NFATC3: variants seen among roughly 807,000 people sequenced by gnomAD.
NFATC3 encodes the protein nuclear factor of activated T cells 3.
NFATC3 carries 46 observed loss-of-function variants against 98.6 expected under a neutral mutation model. The observed-to-expected ratio is 0.47, with a 90% CI of 0.37 to 0.60. The LOEUF (loss-of-function observed/expected upper bound fraction) is 0.60, where lower values mean the gene tolerates loss of function less well. NFATC3 is among the 20% of genes least tolerant of loss of function. The pLI is 0.00. For synonymous variants in NFATC3, 512 were observed against 472.2 expected (o/e 1.08, Z -1.09); for missense variants, 1,256 against 1,295.5 (o/e 0.97, Z 0.47).
intron 2 of NFATC3, among the ~76,000 whole-genome samples, chr16:68,123,948 C>T (rs921802507): frequency 6.6e-6 from 1 of 151,536 alleles, no homozygotes; most frequent in African/African-American, 2.4e-5. Flanking sequence ...TATGCCACTG[C>T]ACTGCAGCCT....
At chr16:68,147,886 T>G (rs1404021111) in intron 3 of NFATC3, among the ~76,000 whole-genome samples, 1 of 152,158 alleles carries the variant, frequency 6.6e-6, no homozygotes, top group Non-Finnish European at 1.5e-5. Context: ...GCATTATTAC[T>G]TACCCCATCT....
chr16:68,115,683 C>T (rs2036237656), intron 1 of NFATC3, among the ~76,000 whole-genome samples: 1 of 152,092 alleles, frequency 6.6e-6, no homozygotes, highest in Admixed American at 6.6e-5. Flanking sequence ...CTTTGGCCTC[C>T]CAAAGTGCTG....
At chr16:68,167,410 G>T (rs2039246046) in intron 5 of NFATC3, among the ~76,000 whole-genome samples, 1 of 152,198 alleles carries the variant, frequency 6.6e-6, no homozygotes, top group African/African-American at 2.4e-5. Flanking sequence ...ACTTACTTCT[G>T]TAAGCTGATA....
intron 1 of NFATC3, among the ~76,000 whole-genome samples, chr16:68,097,829 G>A (rs9932251): frequency 0.18 from 27,974 of 151,956 alleles, 2,946 homozygotes; most frequent in African/African-American, 0.28. Context: ...GAACATATCC[G>A]CGACCCCCAA....
chr16:68,104,322 A>C (rs1436000061), intron 1 of NFATC3, among the ~76,000 whole-genome samples: 5 of 152,056 alleles, frequency 3.3e-5, no homozygotes, highest in Admixed American at 2.6e-4. Context: ...TTTCCTTTTC[A>C]GATTGTTTAT....
At chr16:68,108,502 G>A (rs186863164) in intron 1 of NFATC3, among the ~76,000 whole-genome samples, 173 of 152,164 alleles carry the variant, frequency 1.1e-3, no homozygotes, top group African/African-American at 3.7e-3. Context: ...GTTTGAAGTC[G>A]GGTAACGTGA....
intron 3 of NFATC3, chr16:68,138,673 C>T (rs2037579764): frequency 7.8e-7 from 1 of 1,285,468 alleles, no homozygotes; most frequent in African/African-American, 1.5e-5. Context: ...TACAAGTAGT[C>T]ACATGGCCCT....
chr16:68,211,511 T>C (rs2041392433), intron 9 of NFATC3, among the ~76,000 whole-genome samples: 7 of 102,132 alleles, frequency 6.9e-5, no homozygotes. Context: ...TAAATGTTTT[T>C]TGTTGTTGTT....
chr16:68,187,121 G>A (rs923164241), intron 8 of NFATC3, among the ~76,000 whole-genome samples: 5 of 152,236 alleles, frequency 3.3e-5, no homozygotes, highest in Admixed American at 6.5e-5. Context: ...CAGGCACGCT[G>A]GCTATGGAGG....
rs2042074006 is a variant in NFATC3 at position 68,228,231 on chromosome 16, G to A, written c.*1760G>A. ...TCACTGTGGCCCCTCTTGGAGCTGG[G>A]TGTTTTCAAATTTTCTTGAAAAGTG... is the stretch of plus-strand genomic sequence containing the variant. On this transcript the variant is annotated 3_prime_UTR_variant, in exon 10 of 10. Transcript: ENST00000346183. 1 of 152,214 alleles carries A rather than the reference G, an allele frequency of 6.6e-6. No homozygotes were observed. The highest frequency in any genetic ancestry group is 1.5e-5 in the Non-Finnish European group (1 of 68,038). The allele number at this position is 152,214 out of a possible 1,614,324, so 9.4% of individuals were successfully genotyped here. A position where few individuals can be genotyped will look rare whatever the true frequency, so the allele number is the denominator to read the frequency against.
intron 8 of NFATC3, 138 bp from the exon 9 acceptor site, chr16:68,190,630 A>G (rs993593798): frequency 1.4e-5 from 11 of 761,554 alleles, no homozygotes; most frequent in Non-Finnish European, 2.1e-5. Context: ...CATACACGAT[A>G]TTTTATATGA....
At chr16:68,208,712 C>T (rs930162835) in intron 9 of NFATC3, among the ~76,000 whole-genome samples, 10 of 151,076 alleles carry the variant, frequency 6.6e-5, no homozygotes, top group Admixed American at 1.3e-4. Context: ...CCTGAGACTC[C>T]GTCTCAAAAA....
intron 9 of NFATC3, among the ~76,000 whole-genome samples, chr16:68,201,708 T>G (rs924170748): frequency 1.3e-5 from 2 of 151,080 alleles, no homozygotes; most frequent in Non-Finnish European, 3.0e-5. Context: ...CCCAGCACTT[T>G]GGGAGGCTTA....
At chr16:68,165,244 T>C (rs1331346487) in intron 4 of NFATC3, among the ~76,000 whole-genome samples, 6 of 152,142 alleles carry the variant, frequency 3.9e-5, no homozygotes, top group Non-Finnish European at 7.4e-5. Flanking sequence ...TATCTATAAA[T>C]GGCAAATGCT....
intron 2 of NFATC3, among the ~76,000 whole-genome samples, chr16:68,124,513 A>T (rs1252093663): frequency 6.6e-6 from 1 of 150,824 alleles, no homozygotes; most frequent in Non-Finnish European, 1.5e-5. Context: ...GCTTACTGCA[A>T]GCTCCGCCTC....
chr16:68,198,729 C>G (rs961288393), intron 9 of NFATC3, among the ~76,000 whole-genome samples: 6 of 152,016 alleles, frequency 3.9e-5, no homozygotes, highest in Non-Finnish European at 8.8e-5. Flanking sequence ...GGGCAATATA[C>G]CCTGTCTCTA....
At chr16:68,092,503 T>C (rs1344555959) in intron 1 of NFATC3, among the ~76,000 whole-genome samples, 2 of 151,002 alleles carry the variant, frequency 1.3e-5, no homozygotes, top group Non-Finnish European at 2.9e-5. Context: ...GGCTTACGCC[T>C]GTAATCCCAG....
At position 68,192,342 on chromosome 16, in the gene NFATC3, G is replaced by T. The variant is rs754848919; in HGVS notation, c.3106+567G>T. 3.7e-3 allele frequency: 539 copies of T among 146,624 alleles called. 6 individuals carry two copies. Among genetic ancestry groups the T allele is most frequent in the African/African-American group, 0.012 (456 of 39,602 alleles). 9.1% of individuals were successfully genotyped at this position (146,624 alleles called of 1,614,324 possible). On this transcript the variant is annotated intron_variant, in intron 9 of 9. Transcript: ENST00000346183. ...GTGTATATATATATATAGAGAGAGA[G>T]AGAGAGAGAGAGAACTTTGAGGGTA... is the stretch of plus-strand genomic sequence containing the variant.
At chr16:68,124,710 G>A (rs1567510130) in intron 2 of NFATC3, among the ~76,000 whole-genome samples, 1 of 151,886 alleles carries the variant, frequency 6.6e-6, no homozygotes. Context: ...TGGGATTACA[G>A]GCGTGAGCCA....
Sources: allele counts gnomAD v4.1 joint callset (sites outside exome capture counted in the v4.1 genomes callset), GRCh38; gene constraint gnomAD v4.1.1; transcripts MANE v1.5; gene names NCBI Gene and HGNC (gene_info 2026-07-23, HGNC 2026-07-21).